Variants in CNTNAP2 observed in about 807,000 individuals in gnomAD.
CNTNAP2 encodes contactin associated protein 2.
Under a neutral mutation model 155.2 loss-of-function variants are expected in CNTNAP2, and 98 were observed. That is an observed-to-expected ratio of 0.63 (90% CI 0.54 to 0.75). The LOEUF (loss-of-function observed/expected upper bound fraction) is 0.75. Ranked by LOEUF, CNTNAP2 falls within the 30% of genes least tolerant of loss-of-function variation. CNTNAP2 has a pLI of 0.00. For synonymous variants in CNTNAP2, 651 were observed against 631.2 expected, an observed-to-expected ratio of 1.03 and a Z score of -0.47; for missense variants, 1,727 against 1,688.1, an observed-to-expected ratio of 1.02 and a Z score of -0.40.
chr7:146,905,457 C>G (rs1052926359), intron 3 of CNTNAP2, among the ~76,000 whole-genome samples: 1 of 152,120 alleles, frequency 6.6e-6, no homozygotes, highest in African/African-American at 2.4e-5. Flanking sequence ...CTTTCATCCT[C>G]TTACGAGTTG....
chr7:147,833,672 T>C (rs1798590182), intron 13 of CNTNAP2, among the ~76,000 whole-genome samples: 1 of 152,270 alleles, frequency 6.6e-6, no homozygotes, highest in South Asian at 2.1e-4. Context: ...CTAAAAACCC[T>C]TTAGGTTCCA....
chr7:148,192,549 C>CA lies in CNTNAP2; in HGVS notation c.3010+20078dup, dbSNP rs112526962. On this transcript the variant is annotated intron_variant, in intron 18 of 23. Coordinates refer to ENST00000361727, the MANE Select transcript of CNTNAP2 (RefSeq NM_014141.6). ...GATGACCAAAAAAAAAAACAAAAAA[C>CA]AAAAAAACTCTCCATGCAGTGAGCC... Among the ~76,000 whole-genome samples, 7 of 147,378 alleles carry CA rather than the reference C, an allele frequency of 4.7e-5. 1 individual carries two copies. Among genetic ancestry groups the CA allele is most frequent in the East Asian group, 2.0e-4 (1 of 4,964 alleles).
chr7:146,708,172 C>A (rs1800999076), intron 1 of CNTNAP2, among the ~76,000 whole-genome samples: 1 of 152,144 alleles, frequency 6.6e-6, no homozygotes, highest in South Asian at 2.1e-4. Flanking sequence ...TTACTTTCTA[C>A]CTTGTATTAT....
intron 18 of CNTNAP2, among the ~76,000 whole-genome samples, chr7:148,213,341 G>A (rs1438293299): frequency 6.6e-6 from 1 of 152,074 alleles, no homozygotes; most frequent in East Asian, 1.9e-4. Context: ...TTCTGGCTTC[G>A]GGATGGAGTA....
At chr7:146,502,752 G>T (rs151307758) in intron 1 of CNTNAP2, among the ~76,000 whole-genome samples, 1 of 152,008 alleles carries the variant, frequency 6.6e-6, no homozygotes, top group Non-Finnish European at 1.5e-5. Context: ...GCTGAGGCAT[G>T]CTGCAAGCGT....
chr7:147,994,581 C>G (rs1280014016), intron 15 of CNTNAP2, among the ~76,000 whole-genome samples: 4 of 152,116 alleles, frequency 2.6e-5, no homozygotes, highest in Admixed American at 2.6e-4. Flanking sequence ...GTCAGAAGAT[C>G]TGATGGTTTT....
chr7:148,155,065 C>T (rs1805373152), intron 17 of CNTNAP2, among the ~76,000 whole-genome samples: 1 of 152,182 alleles, frequency 6.6e-6, no homozygotes, highest in African/African-American at 2.4e-5. Flanking sequence ...CCCGGTGAAC[C>T]CCAGGGCCAA....
intron 13 of CNTNAP2, among the ~76,000 whole-genome samples, chr7:147,655,076 GT>G (rs1264773843): frequency 1.3e-5 from 2 of 151,618 alleles, no homozygotes; most frequent in South Asian, 2.1e-4. Context: ...GCCTCCCAAA[GT>G]GCTGGGATTA....
At chr7:146,904,604 T>TGA (rs1796079862) in intron 3 of CNTNAP2, among the ~76,000 whole-genome samples, 1 of 152,124 alleles carries the variant, frequency 6.6e-6, no homozygotes, top group Non-Finnish European at 1.5e-5. Context: ...CCTGAGTAGC[T>TGA]GGGACTACAG....
intron 9 of CNTNAP2, among the ~76,000 whole-genome samples, chr7:147,316,465 A>C (rs1430049622): frequency 1.3e-5 from 2 of 152,156 alleles, no homozygotes; most frequent in African/African-American, 4.8e-5. Context: ...AATTAAAACA[A>C]AATTATAGCT....
intron 10 of CNTNAP2, among the ~76,000 whole-genome samples, chr7:147,432,370 A>G (rs1034260014): frequency 2.6e-5 from 4 of 152,210 alleles, no homozygotes; most frequent in South Asian, 4.1e-4. Context: ...GCAGCTTTAG[A>G]AGGAAGATAA....
chr7:148,054,110 C>T (rs960850697), intron 15 of CNTNAP2, among the ~76,000 whole-genome samples: 1 of 151,764 alleles, frequency 6.6e-6, no homozygotes, highest in Non-Finnish European at 1.5e-5. Flanking sequence ...GTAGCTGGGA[C>T]TACAGGTACC....
intron 21 of CNTNAP2, among the ~76,000 whole-genome samples, chr7:148,321,160 T>C (rs1461028278): frequency 6.6e-6 from 1 of 152,188 alleles, no homozygotes; most frequent in Non-Finnish European, 1.5e-5. Flanking sequence ...AGAACCAGGT[T>C]AAGGAATTTA....
intron 15 of CNTNAP2, among the ~76,000 whole-genome samples, chr7:148,018,431 T>G (rs62473288): frequency 0.019 from 2,928 of 152,320 alleles, 36 homozygotes; most frequent in Middle Eastern, 0.034. Context: ...AATATAAGCA[T>G]GTTGTTGGTT....
chr7:148,254,912 T>C (rs541721634), intron 20 of CNTNAP2, among the ~76,000 whole-genome samples: 3 of 152,292 alleles, frequency 2.0e-5, no homozygotes, highest in Non-Finnish European at 2.9e-5. Flanking sequence ...TTTGTTTGTT[T>C]TTCTTCCTCC....
intron 2 of CNTNAP2, among the ~76,000 whole-genome samples, chr7:146,833,998 C>T (rs996092263): frequency 4.6e-5 from 7 of 152,254 alleles, no homozygotes; most frequent in African/African-American, 1.7e-4. Context: ...GCAATTTTGC[C>T]TGGAGTCTCC....
At chr7:146,332,801 A>G (rs541090619) in intron 1 of CNTNAP2, among the ~76,000 whole-genome samples, 14 of 152,170 alleles carry the variant, frequency 9.2e-5, no homozygotes, top group African/African-American at 3.4e-4. Flanking sequence ...TTCTTGTCTG[A>G]TTTTTACTTG....
intron 15 of CNTNAP2, among the ~76,000 whole-genome samples, chr7:148,042,850 C>T (rs1263785511): frequency 6.6e-6 from 1 of 152,190 alleles, no homozygotes; most frequent in Non-Finnish European, 1.5e-5. Context: ...CCCACCTAAA[C>T]ATTCCAGGAA....
intron 16 of CNTNAP2, among the ~76,000 whole-genome samples, chr7:148,118,784 C>A (rs1804532903): frequency 6.6e-6 from 1 of 152,152 alleles, no homozygotes; most frequent in Non-Finnish European, 1.5e-5. Context: ...AGGATTCCTA[C>A]AGAGGACCCA....
Sources: gnomAD v4.1 joint callset for allele counts (sites outside exome capture counted in the v4.1 genomes callset) on GRCh38, gnomAD v4.1.1 for gene constraint, MANE v1.5 for transcripts, NCBI Gene and HGNC (gene_info 2026-07-23, HGNC 2026-07-21) for gene names.